RAPGEF5: variants seen among roughly 807,000 people sequenced by gnomAD.
RAPGEF5 encodes Rap guanine nucleotide exchange factor 5.
RAPGEF5 carries 65 observed loss-of-function variants against 125.2 expected under a neutral mutation model. The observed-to-expected ratio is 0.52, with a 90% CI of 0.43 to 0.64. The LOEUF (loss-of-function observed/expected upper bound fraction) is 0.64. Ranked by LOEUF, RAPGEF5 falls within the 30% of genes least tolerant of loss-of-function variation. The pLI is 0.00. For synonymous variants in RAPGEF5, 391 were observed against 385.9 expected, an observed-to-expected ratio of 1.01 and a Z score of -0.16; for missense variants, 958 against 1,048.1, an observed-to-expected ratio of 0.91 and a Z score of 1.19.
At chr7:22,157,803 C>A in intron 15 of RAPGEF5, 52 bp downstream of exon 15, 2 of 1,560,346 alleles carry the variant, frequency 1.3e-6, no homozygotes, top group Middle Eastern at 1.7e-4. Flanking sequence ...GGAGGCAAGG[C>A]AAGGTCTCCA....
intron 1 of RAPGEF5, among the ~76,000 whole-genome samples, chr7:22,323,551 C>G (rs1160146662): frequency 2.0e-5 from 3 of 152,144 alleles, no homozygotes; most frequent in Non-Finnish European, 2.9e-5. Context: ...ACAGAGAAAC[C>G]TTTAAAATTT....
intron 5 of RAPGEF5, among the ~76,000 whole-genome samples, chr7:22,299,405 G>GT (rs778869376): frequency 2.6e-5 from 4 of 151,722 alleles, no homozygotes; most frequent in African/African-American, 2.4e-5. Context: ...ATATATTATT[G>GT]TATATGCCTC....
intron 6 of RAPGEF5, among the ~76,000 whole-genome samples, chr7:22,288,158 T>C (rs1431244627): frequency 2.6e-5 from 4 of 152,212 alleles, no homozygotes; most frequent in Non-Finnish European, 4.4e-5. Flanking sequence ...GTGACCTTCA[T>C]GGTATAAACC....
intron 16 of RAPGEF5, among the ~76,000 whole-genome samples, chr7:22,156,511 G>A (rs1783812237): frequency 6.6e-6 from 1 of 152,220 alleles, no homozygotes; most frequent in African/African-American, 2.4e-5. Flanking sequence ...AGGAGGAAAA[G>A]GCTGAGTCTC....
Position 22,121,653 on chromosome 7 carries a change from A to G in RAPGEF5, c.*753T>C, listed in dbSNP as rs180861008. 2.0e-5 allele frequency: 3 copies of G among 152,378 alleles called. No individual in the cohort carries two copies. The highest frequency in any genetic ancestry group is 1.9e-4 in the East Asian group (1 of 5,192). 9.4% of individuals were successfully genotyped at this position (152,378 alleles called of 1,614,324 possible). On this transcript the variant is annotated 3_prime_UTR_variant, in exon 26 of 26. Coordinates refer to ENST00000665637, the MANE Select transcript of RAPGEF5 (RefSeq NM_012294.5). ...GTATAAAGAAAATCCCCAGAAATTAAACAATGAGTCAATTTCTTAAAGATT... is the reference window on the plus strand; with the variant it reads ...GTATAAAGAAAATCCCCAGAAATTAGACAATGAGTCAATTTCTTAAAGATT...
intron 6 of RAPGEF5, among the ~76,000 whole-genome samples, chr7:22,271,352 G>A (rs376780044): frequency 6.6e-6 from 1 of 152,040 alleles, no homozygotes; most frequent in African/African-American, 2.4e-5. Context: ...CCCATATTTC[G>A]ACCTTCATTT....
At position 22,205,515 on chromosome 7, in the gene RAPGEF5, G is replaced by A. The variant is rs147073258; in HGVS notation, c.997-11482C>T. Among the ~76,000 whole-genome samples the A allele has an allele frequency of 6.5e-3, 982 of 152,244 alleles. 4 individuals are homozygous for A. The highest frequency in any genetic ancestry group is 9.6e-3 in the Non-Finnish European group (651 of 67,998). On this transcript the variant is annotated intron_variant, in intron 9 of 25. Transcript: ENST00000665637. ...CTAGTGCTAAACACTGGGGATAAAAGTTCAAATAAAATATAGGCATGCTCT... is the reference window on the plus strand; with the variant it reads ...CTAGTGCTAAACACTGGGGATAAAAATTCAAATAAAATATAGGCATGCTCT...
At chr7:22,193,045 C>A in intron 11 of RAPGEF5, 1 of 391,036 alleles carries the variant, frequency 2.6e-6, no homozygotes, top group Non-Finnish European at 4.6e-6. Context: ...GTATTTCTTT[C>A]CATTGAACAT....
At chr7:22,353,443 G>A (rs766187328) in intron 1 of RAPGEF5, among the ~76,000 whole-genome samples, 33 of 152,274 alleles carry the variant, frequency 2.2e-4, no homozygotes, top group Middle Eastern at 3.4e-3. Flanking sequence ...TATCAGGACC[G>A]TAAACTGAAA....
chr7:22,334,107 C>T (rs1423519769), intron 1 of RAPGEF5, among the ~76,000 whole-genome samples: 2 of 149,918 alleles, frequency 1.3e-5, no homozygotes, highest in Non-Finnish European at 3.0e-5. Flanking sequence ...AGTGTTCTTT[C>T]CAGTATCGCC....
intron 7 of RAPGEF5, among the ~76,000 whole-genome samples, chr7:22,243,156 A>G (rs1786383251): frequency 6.6e-6 from 1 of 152,176 alleles, no homozygotes. Flanking sequence ...ATATCAATGT[A>G]AGTACTTACG....
At chr7:22,142,282 C>G (rs1396118122) in intron 20 of RAPGEF5, among the ~76,000 whole-genome samples, 1 of 152,194 alleles carries the variant, frequency 6.6e-6, no homozygotes, top group Non-Finnish European at 1.5e-5. Context: ...CTGCCCATCA[C>G]CCAGGTTCCT....
intron 17 of RAPGEF5, among the ~76,000 whole-genome samples, chr7:22,153,686 G>T (rs1783706351): frequency 6.6e-6 from 1 of 152,140 alleles, no homozygotes; most frequent in African/African-American, 2.4e-5. Flanking sequence ...CCGCATCTCT[G>T]GTTAATTAGC....
intron 7 of RAPGEF5, among the ~76,000 whole-genome samples, chr7:22,234,288 G>A (rs1047670937): frequency 1.3e-5 from 2 of 152,190 alleles, no homozygotes; most frequent in African/African-American, 4.8e-5. Flanking sequence ...GTGGGAAAAG[G>A]AGGAAGGAGT....
chr7:22,307,951 G>A (rs987630965), intron 5 of RAPGEF5, among the ~76,000 whole-genome samples: 2 of 152,054 alleles, frequency 1.3e-5, no homozygotes, highest in African/African-American at 4.8e-5. Context: ...GTTGCTTCTA[G>A]ACTATTTTCA....
chr7:22,350,881 G>T (rs1417534585), intron 1 of RAPGEF5, among the ~76,000 whole-genome samples: 1 of 152,142 alleles, frequency 6.6e-6, no homozygotes, highest in Non-Finnish European at 1.5e-5. Context: ...CAAGGATCAG[G>T]ATAGTAGTTT....
chr7:22,142,618 T>C (rs1460582046), intron 20 of RAPGEF5, among the ~76,000 whole-genome samples: 1 of 152,238 alleles, frequency 6.6e-6, no homozygotes, highest in African/African-American at 2.4e-5. Flanking sequence ...ATTGATACAG[T>C]GCAAATATTA....
chr7:22,219,188 A>G (rs1785716855), intron 9 of RAPGEF5, among the ~76,000 whole-genome samples: 2 of 152,074 alleles, frequency 1.3e-5, no homozygotes, highest in African/African-American at 4.8e-5. Context: ...ACAGATAACA[A>G]TGTGTGGCAC....
intron 1 of RAPGEF5, among the ~76,000 whole-genome samples, chr7:22,327,579 A>C (rs996206696): frequency 2.0e-5 from 3 of 152,226 alleles, no homozygotes; most frequent in Non-Finnish European, 2.9e-5. Flanking sequence ...GCAGCCTTGC[A>C]TCACTGGTAA....
Sources: gnomAD v4.1 joint callset for allele counts (sites outside exome capture counted in the v4.1 genomes callset) on GRCh38, gnomAD v4.1.1 for gene constraint, MANE v1.5 for transcripts, NCBI Gene and HGNC (gene_info 2026-07-23, HGNC 2026-07-21) for gene names.